The following LEF1 variants were observed in gnomAD, a reference collection of about 807,000 sequenced individuals.
The protein encoded by LEF1 is lymphoid enhancer-binding factor 1.
A neutral mutation model predicts 51.2 loss-of-function variants in LEF1; 14 were observed. That is an observed-to-expected ratio of 0.27 (90% confidence interval 0.18 to 0.43). LEF1 has a LOEUF of 0.43. Among genes scored for constraint, LEF1 ranks in the 20% least tolerant of loss-of-function variants. The pLI is 1.00. For synonymous variants in LEF1, 185 were observed against 183.2 expected, an observed-to-expected ratio of 1.01 and a Z score of -0.08; for missense variants, 386 against 512.0, an observed-to-expected ratio of 0.75 and a Z score of 2.37.
chr4:108,160,733 C>T (rs1014196309), intron 3 of LEF1, among the ~76,000 whole-genome samples: 2 of 152,166 alleles, frequency 1.3e-5, no homozygotes, highest in Admixed American at 6.5e-5. Flanking sequence ...AGGATACACA[C>T]AGTAGCATTT....
At chr4:108,158,814 C>A (rs923190327) in intron 3 of LEF1, among the ~76,000 whole-genome samples, 2 of 151,942 alleles carry the variant, frequency 1.3e-5, no homozygotes, top group African/African-American at 2.4e-5. Context: ...ATTTGTGAGA[C>A]CCTACCTCTG....
intron 3 of LEF1, among the ~76,000 whole-genome samples, chr4:108,162,296 A>G (rs1429887159): frequency 1.3e-5 from 2 of 152,212 alleles, no homozygotes; most frequent in Non-Finnish European, 2.9e-5. Context: ...TAGCTGAGAG[A>G]TCAAATATCC....
intron 3 of LEF1, among the ~76,000 whole-genome samples, chr4:108,125,182 G>A (rs928166583): frequency 6.6e-6 from 1 of 151,650 alleles, no homozygotes; most frequent in Non-Finnish European, 1.5e-5. Context: ...ATTTATTTTT[G>A]AGGCAGAGTC....
chr4:108,153,260 T>C (rs1439830790), intron 3 of LEF1, among the ~76,000 whole-genome samples: 1 of 152,236 alleles, frequency 6.6e-6, no homozygotes, highest in Non-Finnish European at 1.5e-5. Flanking sequence ...TCTCCAGTTC[T>C]ACAGGATGTG....
At chr4:108,081,042 T>A (rs1369807249) in intron 6 of LEF1, among the ~76,000 whole-genome samples, 1 of 152,076 alleles carries the variant, frequency 6.6e-6, no homozygotes, top group East Asian at 1.9e-4. Flanking sequence ...AGGGCCTGAT[T>A]CACACACTAG....
chr4:108,095,011 AG>A (rs1356657795), intron 3 of LEF1, among the ~76,000 whole-genome samples: 1 of 152,208 alleles, frequency 6.6e-6, no homozygotes, highest in African/African-American at 2.4e-5. Flanking sequence ...CTCAGAAACA[AG>A]GTACTGGAAA....
intron 3 of LEF1, among the ~76,000 whole-genome samples, chr4:108,097,293 G>C (rs1342257400): frequency 6.6e-6 from 1 of 152,174 alleles, no homozygotes; most frequent in Non-Finnish European, 1.5e-5. Flanking sequence ...CAACAACATG[G>C]ATGGAACTGG....
intron 11 of LEF1, among the ~76,000 whole-genome samples, chr4:108,058,779 A>AT (rs1207081072): frequency 6.6e-6 from 1 of 152,212 alleles, no homozygotes; most frequent in Non-Finnish European, 1.5e-5. Flanking sequence ...AAGGGATAGG[A>AT]TCTCATTTGC....
chr4:108,113,755 G>A (rs911060598), intron 3 of LEF1, among the ~76,000 whole-genome samples: 4 of 152,166 alleles, frequency 2.6e-5, no homozygotes, highest in Admixed American at 2.6e-4. Flanking sequence ...CATGTCGAGA[G>A]AAAAGTAAGA....
At chr4:108,106,191 C>CGATA (rs1390865476) in intron 3 of LEF1, among the ~76,000 whole-genome samples, 3 of 152,184 alleles carry the variant, frequency 2.0e-5, no homozygotes, top group African/African-American at 7.2e-5. Context: ...TGTTAAGGTG[C>CGATA]TATCCCAAGG....
chr4:108,155,146 A>G (rs961537104), intron 3 of LEF1, among the ~76,000 whole-genome samples: 5 of 144,258 alleles, frequency 3.5e-5, no homozygotes, highest in South Asian at 2.1e-4. Flanking sequence ...ATTAAGGGGG[A>G]AAAAAAAATC....
At chr4:108,099,574 A>ATATATGTGTG (rs1433072067) in intron 3 of LEF1, among the ~76,000 whole-genome samples, 2,753 of 24,870 alleles carry the variant, frequency 0.11, 291 homozygotes, top group South Asian at 0.19. Context: ...GTGTGTGTAT[A>ATATATGTGTG]TATATATATA....
chr4:108,160,126 A>ATCC (rs1744975456), intron 3 of LEF1, among the ~76,000 whole-genome samples: 1 of 152,196 alleles, frequency 6.6e-6, no homozygotes, highest in Admixed American at 6.5e-5. Context: ...CAAATGGAAG[A>ATCC]TTGACGCCTA....
At chr4:108,131,486 C>T (rs1742892687) in intron 3 of LEF1, among the ~76,000 whole-genome samples, 1 of 152,078 alleles carries the variant, frequency 6.6e-6, no homozygotes, top group Non-Finnish European at 1.5e-5. Context: ...AAACACACTT[C>T]CATATATCAC....
intron 9 of LEF1, among the ~76,000 whole-genome samples, chr4:108,066,744 AAAC>A (rs1738106993): frequency 6.6e-6 from 1 of 152,234 alleles, no homozygotes; most frequent in Non-Finnish European, 1.5e-5. Context: ...TGTATGGTAA[AAAC>A]AAAAAATTTT....
chr4:108,147,047 G>C (rs1744038304), intron 3 of LEF1, among the ~76,000 whole-genome samples: 1 of 152,144 alleles, frequency 6.6e-6, no homozygotes, highest in East Asian at 1.9e-4. Context: ...AGGAGCACTT[G>C]AGCCTAGGAG....
Position 108,067,347 on chromosome 4 carries a change from A to G in LEF1, c.1117-2963T>C, listed in dbSNP as rs558733117. On this transcript the variant is annotated intron_variant, in intron 9 of 11. Transcript: ENST00000265165. ...GATAGAATATGTAGGTGTTTGTTTC[A>G]TGTCTTTTTAAAAGTTAAAACTCAT... Among the ~76,000 whole-genome samples the G allele has an allele frequency of 2.0e-5, 3 of 152,362 alleles. No individual in the cohort carries two copies. In the East Asian group the frequency reaches 5.8e-4, roughly 29 times the overall value.
intron 3 of LEF1, among the ~76,000 whole-genome samples, chr4:108,153,836 T>C (rs1005622035): frequency 1.3e-5 from 2 of 152,190 alleles, no homozygotes; most frequent in African/African-American, 4.8e-5. Flanking sequence ...TACAGAAGAT[T>C]ATTTATTAAT....
chr4:108,073,830 C>G (rs1353598427), intron 8 of LEF1, among the ~76,000 whole-genome samples: 2 of 151,620 alleles, frequency 1.3e-5, no homozygotes, highest in African/African-American at 4.8e-5. Context: ...ATAACCCCCC[C>G]CCCTTTTTTT....
Sources: allele counts gnomAD v4.1 joint callset (sites outside exome capture counted in the v4.1 genomes callset), GRCh38; gene constraint gnomAD v4.1.1; transcripts MANE v1.5; gene names NCBI Gene and HGNC (gene_info 2026-07-23, HGNC 2026-07-21).